Variants in USP10 observed in about 807,000 individuals in gnomAD.
The protein encoded by USP10 is ubiquitin carboxyl-terminal hydrolase 10.
Under a neutral mutation model 84.5 loss-of-function variants are expected in USP10, and 22 were observed. The observed-to-expected ratio is 0.26, with a 90% CI of 0.19 to 0.37. The LOEUF (loss-of-function observed/expected upper bound fraction) is 0.37, where lower values mean the gene tolerates loss of function less well. Ranked by LOEUF, USP10 falls within the 10% of genes least tolerant of loss-of-function variation. The pLI is 1.00. For synonymous variants in USP10, 454 were observed against 387.6 expected (o/e 1.17, Z -2.01); for missense variants, 1,019 against 998.9 (o/e 1.02, Z -0.27).
intron 11 of USP10, among the ~76,000 whole-genome samples, 193 bp downstream of exon 11, chr16:84,768,551 T>G (rs1372918524): frequency 6.6e-6 from 1 of 152,232 alleles, no homozygotes; most frequent in African/African-American, 2.4e-5. Flanking sequence ...CTCTTTTAGC[T>G]CTAAATCATA....
At chr16:84,746,718 G>C (rs1009478809) in intron 4 of USP10, among the ~76,000 whole-genome samples, 1 of 152,140 alleles carries the variant, frequency 6.6e-6, no homozygotes, top group Non-Finnish European at 1.5e-5. Context: ...GCAAAGCCGA[G>C]TTTTATAAAC....
chr16:84,767,214 G>C (rs1913960332), intron 10 of USP10, among the ~76,000 whole-genome samples: 1 of 151,964 alleles, frequency 6.6e-6, no homozygotes, highest in African/African-American at 2.4e-5. Flanking sequence ...ATTCCGTTGA[G>C]AAACTAGGTC....
intron 1 of USP10, among the ~76,000 whole-genome samples, chr16:84,718,943 C>T (rs1597293554): frequency 6.6e-6 from 1 of 151,898 alleles, no homozygotes; most frequent in East Asian, 2.0e-4. Context: ...CAGGCGCCCG[C>T]CACCGCACCC....
At chr16:84,712,634 A>G (rs143214100) in intron 1 of USP10, among the ~76,000 whole-genome samples, 5 of 152,322 alleles carry the variant, frequency 3.3e-5, no homozygotes, top group African/African-American at 7.2e-5. Context: ...TTTGCCGTCT[A>G]TAGAAATAGT....
At chr16:84,704,927 G>A (rs190056385) in intron 1 of USP10, 396 of 1,534,030 alleles carry the variant, frequency 2.6e-4, no homozygotes, top group Non-Finnish European at 3.3e-4. Flanking sequence ...TTTCCCTTTT[G>A]GGCTCACATG....
chr16:84,758,487 G>C (rs963957964), intron 4 of USP10, among the ~76,000 whole-genome samples: 1 of 152,124 alleles, frequency 6.6e-6, no homozygotes, highest in African/African-American at 2.4e-5. Context: ...TTCCCCCCAG[G>C]AAGATTAAAT....
intron 8 of USP10, 130 bp downstream of exon 8, chr16:84,760,405 C>T: frequency 1.3e-6 from 1 of 755,226 alleles, no homozygotes. Flanking sequence ...TTATAAGAGT[C>T]CATTGCTTGG....
Position 84,763,080 on chromosome 16 carries a change from G to T in USP10, c.1646G>T (p.Ser549Ile). 6.2e-7 allele frequency: 1 copy of T among 1,608,900 alleles called. No individual in the cohort carries two copies. Among genetic ancestry groups the T allele is most frequent in the Non-Finnish European group, 8.5e-7 (1 of 1,175,730 alleles). The change falls in exon 9 of 14, where the codon AGT becomes ATT. Residue 549 changes from serine (S) to isoleucine (I), a missense_variant. Physicochemically the swap from Ser to Ile is moderately radical, Grantham distance 142. Transcript: ENST00000219473. Reference sequence around the variant, plus strand: ...AACCTAAAGAAGCTTCTCTCACCAAGTAATGAAAGTAGGTTATGGTCCACT... The same window carrying T: ...AACCTAAAGAAGCTTCTCTCACCAATTAATGAAAGTAGGTTATGGTCCACT... The part of the protein sequence containing the change: ...MLNLKKLLSP[S>I]NEKLTISNGP...
intron 4 of USP10, among the ~76,000 whole-genome samples, chr16:84,757,161 A>T (rs993244976): frequency 2.0e-5 from 3 of 152,180 alleles, no homozygotes; most frequent in African/African-American, 7.2e-5. Context: ...GTGTCATCAC[A>T]TGCAGGCTTG....
At chr16:84,743,397 G>C (rs1021037198) in intron 3 of USP10, among the ~76,000 whole-genome samples, 2 of 152,122 alleles carry the variant, frequency 1.3e-5, no homozygotes, top group African/African-American at 4.8e-5. Flanking sequence ...CCAGCCTCCT[G>C]CACACTCACT....
rs1309402285 is a variant in USP10 at position 84,768,198 on chromosome 16, T to C, written c.1838T>C (p.Val613Ala). ...TGIFGGHIRSVVYQQSSKESA... is the reference protein window; with the variant it reads ...TGIFGGHIRSAVYQQSSKESA... ...TTTTTGCTTTCAATTCTTAGGTCTG[T>C]GGTTTACCAGCAGAGTTCAAAAGAA... The change falls in exon 11 of 14, where the codon GTG becomes GCG. Residue 613 changes from valine to alanine, a missense_variant. This residue lies in a region of USP10 where 232 missense variants were observed against 290.1 expected (regional missense o/e 0.80). Coordinates refer to ENST00000219473, the MANE Select transcript of USP10 (RefSeq NM_005153.3). The C allele has an allele frequency of 1.3e-6, 2 of 1,586,910 alleles. No individual in the cohort carries two copies. The highest frequency in any genetic ancestry group is 1.7e-6 in the Non-Finnish European group (2 of 1,164,974).
Position 84,778,617 on chromosome 16 carries a change from C to T in USP10, c.2210-278C>T, listed in dbSNP as rs572482720. 5.3e-5 allele frequency among the ~76,000 whole-genome samples: 8 copies of T among 152,196 alleles called. No individual in the cohort carries two copies. In the South Asian group the frequency reaches 1.0e-3, roughly 20 times the overall value. ...GCTGTGTAGGAGTGTCTGTGTGAGG[C>T]GTGGGACATTTTAAATATGTGGTTA... is the stretch of plus-strand genomic sequence containing the variant. On this transcript the variant is annotated intron_variant, in intron 13 of 13. Transcript: ENST00000219473.
chr16:84,757,534 A>C (rs913710885), intron 4 of USP10, among the ~76,000 whole-genome samples: 1 of 151,914 alleles, frequency 6.6e-6, no homozygotes, highest in Non-Finnish European at 1.5e-5. Flanking sequence ...AGAAAAGCTT[A>C]TTTTTGAGCG....
intron 1 of USP10, among the ~76,000 whole-genome samples, chr16:84,702,362 T>C (rs1027685749): frequency 6.6e-6 from 1 of 152,120 alleles, no homozygotes; most frequent in Non-Finnish European, 1.5e-5. Context: ...GCCTGGCCGA[T>C]TTCTCATAAT....
intron 1 of USP10, among the ~76,000 whole-genome samples, chr16:84,700,475 G>A (rs949820260): frequency 1.3e-5 from 2 of 152,050 alleles, no homozygotes; most frequent in African/African-American, 4.8e-5. Context: ...GCGGCCCGGG[G>A]GCTCCGGGAG....
Position 84,764,068 on chromosome 16 carries a change from A to C in USP10, c.1655-18A>C. ...TCTTGTCGTAAATAGTAGTGTAAGC[A>C]GATGCTCTCCTTTTCAGAACTTACG... On this transcript the variant is annotated intron_variant, in intron 9 of 13. Transcript: ENST00000219473. The C allele has an allele frequency of 6.2e-7, 1 of 1,606,908 alleles. No homozygotes were observed. The highest frequency in any genetic ancestry group is 8.5e-7 in the Non-Finnish European group (1 of 1,177,072).
intron 4 of USP10, among the ~76,000 whole-genome samples, chr16:84,750,905 A>G (rs766542649): frequency 2.6e-5 from 4 of 152,342 alleles, no homozygotes; most frequent in Middle Eastern, 3.4e-3. Flanking sequence ...ACCTGTTTAT[A>G]TGATTTTTCA....
intron 9 of USP10, 86 bp downstream of exon 9, chr16:84,763,174 G>A: frequency 1.4e-6 from 1 of 724,762 alleles, no homozygotes; most frequent in South Asian, 2.2e-5. Context: ...TTGCTTCCCT[G>A]CCCCTCAGTC....
chr16:84,751,507 G>C (rs1368985730), intron 4 of USP10, among the ~76,000 whole-genome samples: 1 of 152,182 alleles, frequency 6.6e-6, no homozygotes, highest in Non-Finnish European at 1.5e-5. Context: ...ATCCACCCTT[G>C]TGGACTGAGA....
Sources: allele counts gnomAD v4.1 joint callset (sites outside exome capture counted in the v4.1 genomes callset), GRCh38; gene constraint gnomAD v4.1.1; regional missense constraint gnomAD v4.1.1; transcripts MANE v1.5; gene names NCBI Gene and HGNC (gene_info 2026-07-23, HGNC 2026-07-21).